The following SLC2A9 variants were observed in gnomAD, a reference collection of about 807,000 sequenced individuals.
SLC2A9 encodes solute carrier family 2, facilitated glucose transporter member 9.
A neutral mutation model predicts 50.6 loss-of-function variants in SLC2A9; 39 were observed. The observed-to-expected ratio is 0.77, with a 90% CI of 0.60 to 1.01. The LOEUF is 1.01. Ranked by LOEUF, SLC2A9 falls within the 50% of genes least tolerant of loss-of-function variation. The pLI, the probability that SLC2A9 is intolerant of heterozygous loss-of-function variation, is 0.00. For missense variants in SLC2A9, 686 were observed against 677.6 expected (o/e 1.01, Z -0.14); for synonymous variants, 324 against 276.9 (o/e 1.17, Z -1.69).
chr4:9,785,966 C>T (rs1291407929), intron 3 of SLC2A9, among the ~76,000 whole-genome samples: 3 of 152,142 alleles, frequency 2.0e-5, no homozygotes, highest in Admixed American at 6.5e-5. Flanking sequence ...GAAGAGAGAC[C>T]TTGACGAAGT....
At chr4:9,804,757 C>T (rs553470736) in intron 3 of SLC2A9, among the ~76,000 whole-genome samples, 1 of 152,210 alleles carries the variant, frequency 6.6e-6, no homozygotes, top group South Asian at 2.1e-4. Context: ...GAGAGAATTG[C>T]TTGGGCTTTG....
At chr4:9,868,220 C>T (rs546834816) in intron 10 of SLC2A9, among the ~76,000 whole-genome samples, 5 of 152,202 alleles carry the variant, frequency 3.3e-5, no homozygotes, top group South Asian at 2.1e-4. Context: ...CTTACCAGAG[C>T]GCCACTCATC....
chr4:9,980,368 G>A (rs1755516277), intron 5 of SLC2A9, among the ~76,000 whole-genome samples: 4 of 152,122 alleles, frequency 2.6e-5, no homozygotes. Flanking sequence ...ATTACTGGGT[G>A]GGTGGACTTA....
rs1409126040 is a variant in SLC2A9 at position 9,896,724 on chromosome 4, C to T, written c.1114-6013G>A. ...AGAGTTTAGCTTTTATGTCTAGATA[C>T]GTGGTCCATTTTGAGTTAATTTTTT... is the stretch of plus-strand genomic sequence containing the variant. On this transcript the variant is annotated intron_variant, in intron 8 of 11. Coordinates refer to ENST00000264784, the MANE Select transcript of SLC2A9 (RefSeq NM_020041.3). Among the ~76,000 whole-genome samples, 8 of 152,164 alleles carry T rather than the reference C, an allele frequency of 5.3e-5. No homozygotes were observed. The South Asian group carries it at 8.3e-4, about 16-fold the overall frequency.
intron 8 of SLC2A9, among the ~76,000 whole-genome samples, chr4:9,904,030 A>C (rs2109937085): frequency 6.6e-6 from 1 of 150,948 alleles, no homozygotes; most frequent in South Asian, 2.1e-4. Flanking sequence ...ATATATACAT[A>C]ACTTTGGAAA....
At chr4:9,786,430 A>T (rs1313174476) in intron 3 of SLC2A9, among the ~76,000 whole-genome samples, 1 of 152,234 alleles carries the variant, frequency 6.6e-6, no homozygotes. Flanking sequence ...ACTAGTGCAC[A>T]GATCAGGACA....
At chr4:9,953,361 G>A (rs967153855) in intron 5 of SLC2A9, among the ~76,000 whole-genome samples, 1 of 152,220 alleles carries the variant, frequency 6.6e-6, no homozygotes, top group East Asian at 1.9e-4. Flanking sequence ...ACATGCTGTT[G>A]CTTAAAGAGC....
At chr4:9,798,495 C>T (rs1210993712), downstream of SLC2A9, among the ~76,000 whole-genome samples, 1 of 152,138 alleles carries the variant, frequency 6.6e-6, no homozygotes, top group African/African-American at 2.4e-5. Context: ...TTCTCCACAC[C>T]CCCAACTTCC....
At chr4:9,908,139 T>C (rs1194308148) in intron 8 of SLC2A9, 96 bp downstream of exon 8, 4 of 855,342 alleles carry the variant, frequency 4.7e-6, no homozygotes, top group East Asian at 4.8e-5. Context: ...TGAATTCTGA[T>C]GGGGAAAGCC....
At chr4:10,028,185 G>A (rs964342230) in intron 1 of SLC2A9, among the ~76,000 whole-genome samples, 2 of 152,202 alleles carry the variant, frequency 1.3e-5, no homozygotes, top group Non-Finnish European at 2.9e-5. Flanking sequence ...TTGATCGGGG[G>A]TCCCACAGGA....
intron 3 of SLC2A9, among the ~76,000 whole-genome samples, chr4:9,799,692 A>AC (rs57223650): frequency 0.014 from 972 of 69,826 alleles, 16 homozygotes; most frequent in South Asian, 0.025. Context: ...TTCCAATTGT[A>AC]CCCCCCCCCC....
At chr4:9,897,663 G>C (rs1297540075) in intron 8 of SLC2A9, among the ~76,000 whole-genome samples, 1 of 152,100 alleles carries the variant, frequency 6.6e-6, no homozygotes, top group Non-Finnish European at 1.5e-5. Context: ...AAAATGGGTG[G>C]ATTACTTGAG....
intron 6 of SLC2A9, among the ~76,000 whole-genome samples, chr4:9,933,784 C>G (rs1746568346): frequency 1.3e-5 from 2 of 152,186 alleles, no homozygotes; most frequent in Non-Finnish European, 1.5e-5. Flanking sequence ...TCTGGAGGCT[C>G]TAGGGAGAAT....
intron 10 of SLC2A9, among the ~76,000 whole-genome samples, chr4:9,862,707 C>T (rs1305736198): frequency 1.3e-5 from 2 of 151,982 alleles, no homozygotes; most frequent in Non-Finnish European, 2.9e-5. Flanking sequence ...TAGCTTCTCA[C>T]GGAGGCCCTT....
chr4:9,987,756 A>G (rs1344987874), intron 3 of SLC2A9, among the ~76,000 whole-genome samples: 10 of 152,132 alleles, frequency 6.6e-5, no homozygotes, highest in Admixed American at 6.5e-4. Flanking sequence ...TGAACCCAGG[A>G]GGCAGAGATT....
At chr4:9,810,869 ACTTTAT>A (rs770466361) in intron 3 of SLC2A9, among the ~76,000 whole-genome samples, 2 of 152,134 alleles carry the variant, frequency 1.3e-5, no homozygotes, top group African/African-American at 4.8e-5. Context: ...GACACCCTGA[ACTTTAT>A]CTTTAGGCTC....
At chr4:9,887,185 T>C (rs1736422899) in intron 10 of SLC2A9, among the ~76,000 whole-genome samples, 2 of 152,260 alleles carry the variant, frequency 1.3e-5, no homozygotes, top group Non-Finnish European at 2.9e-5. Flanking sequence ...ATGAACAATA[T>C]GTCTTAGACA....
chr4:9,992,118 C>A (rs1757811622), intron 3 of SLC2A9, among the ~76,000 whole-genome samples: 1 of 152,194 alleles, frequency 6.6e-6, no homozygotes, highest in Non-Finnish European at 1.5e-5. Context: ...TTTGTGCTCA[C>A]CGAACCTCCA....
intron 5 of SLC2A9, among the ~76,000 whole-genome samples, chr4:9,972,595 T>A (rs78730550): frequency 0.015 from 2,241 of 152,220 alleles, 68 homozygotes; most frequent in African/African-American, 0.05. Context: ...ATACCAACCA[T>A]ACTCTCAGAC....
Sources: gnomAD v4.1 joint callset for allele counts (sites outside exome capture counted in the v4.1 genomes callset) on GRCh38, gnomAD v4.1.1 for gene constraint, MANE v1.5 for transcripts, NCBI Gene and HGNC (gene_info 2026-07-23, HGNC 2026-07-21) for gene names.